NR2F6: variants seen among roughly 807,000 people sequenced by gnomAD.
NR2F6 encodes ERBA-related gene-2.
A neutral mutation model predicts 26.5 loss-of-function variants in NR2F6; 16 were observed. The observed-to-expected ratio is 0.60, with a 90% CI of 0.41 to 0.92. NR2F6 has a LOEUF of 0.92. Ranked by LOEUF, NR2F6 falls within the 40% of genes least tolerant of loss-of-function variation. The pLI is 0.00. For synonymous variants in NR2F6, 325 were observed against 305.0 expected (o/e 1.07, Z -0.68); for missense variants, 536 against 631.7 (o/e 0.85, Z 1.62).
intron 2 of NR2F6, among the ~76,000 whole-genome samples, chr19:17,238,094 C>T (rs1024684454): frequency 6.6e-6 from 1 of 152,078 alleles, no homozygotes; most frequent in Admixed American, 6.6e-5. Flanking sequence ...GAGCTATGAT[C>T]GCACCACTGC....
At chr19:17,240,560 C>T (rs1468559867) in intron 2 of NR2F6, 111 bp downstream of exon 2, 57 of 1,178,650 alleles carry the variant, frequency 4.8e-5, no homozygotes, top group Non-Finnish European at 6.8e-5. Flanking sequence ...ACCCAGACCC[C>T]TGTGAAAGGG....
At chr19:17,240,249 A>G (rs2145567357) in intron 2 of NR2F6, among the ~76,000 whole-genome samples, 1 of 152,358 alleles carries the variant, frequency 6.6e-6, no homozygotes, top group Non-Finnish European at 1.5e-5. Flanking sequence ...AATAAAAAAA[A>G]AAATCCTTGT....
chr19:17,243,008 C>T (rs1313215383), intron 1 of NR2F6, among the ~76,000 whole-genome samples: 2 of 152,206 alleles, frequency 1.3e-5, no homozygotes, highest in Non-Finnish European at 2.9e-5. Context: ...CCTCAGCCAG[C>T]ATTTCAGGCC....
At chr19:17,243,883 G>A (rs886996070) in intron 1 of NR2F6, among the ~76,000 whole-genome samples, 3 of 152,168 alleles carry the variant, frequency 2.0e-5, no homozygotes, top group African/African-American at 4.8e-5. Flanking sequence ...CAGGCACCAG[G>A]ACCTCTCTCT....
chr19:17,233,138 C>G (rs1405693334), intron 3 of NR2F6, among the ~76,000 whole-genome samples: 1 of 151,976 alleles, frequency 6.6e-6, no homozygotes, highest in Non-Finnish European at 1.5e-5. Context: ...CAGAGGGAGA[C>G]CCTGTCTCAA....
chr19:17,241,845 G>A (rs757615482), intron 1 of NR2F6, among the ~76,000 whole-genome samples: 43 of 151,802 alleles, frequency 2.8e-4, no homozygotes, highest in Non-Finnish European at 4.1e-4. Flanking sequence ...GTGAAACCCC[G>A]TCTCTACTAA....
Position 17,232,302 on chromosome 19 carries a change from C to T in NR2F6, c.*50G>A, listed in dbSNP as rs532380244. 4 of 1,612,370 alleles carry T rather than the reference C, an allele frequency of 2.5e-6. No homozygotes were observed. The South Asian group carries it at 3.3e-5, about 13-fold the overall frequency. ...CTCGAGGCCTCAGCATTCCCTGTCC[C>T]TTGAGGTCTGTCTGCAGGCCTGGCC... On this transcript the variant is annotated 3_prime_UTR_variant, in exon 4 of 4. Coordinates refer to ENST00000291442, the MANE Select transcript of NR2F6 (RefSeq NM_005234.4).
intron 2 of NR2F6, among the ~76,000 whole-genome samples, chr19:17,237,969 G>A (rs28551090): frequency 2.6e-5 from 4 of 151,936 alleles, no homozygotes; most frequent in African/African-American, 7.3e-5. Context: ...GCGAGACCCC[G>A]TCTCTACAAA....
chr19:17,232,170 T>C lies in NR2F6; in HGVS notation c.*182A>G, dbSNP rs2073410777. The C allele has an allele frequency of 1.1e-6, 1 of 885,410 alleles. No individual in the cohort carries two copies. Among genetic ancestry groups the C allele is most frequent in the Non-Finnish European group, 1.7e-6 (1 of 599,282 alleles). 54.8% of individuals were successfully genotyped at this position (885,410 alleles called of 1,614,324 possible). A position where few individuals can be genotyped will look rare whatever the true frequency, so the allele number is the denominator to read the frequency against. ...GGCTGAGGCCTGGATGATCAGTCTC[T>C]TTTTGGTTTCATGATCATTTAAAAA... On this transcript the variant is annotated 3_prime_UTR_variant, in exon 4 of 4. Transcript: ENST00000291442.
chr19:17,235,926 C>G lies in NR2F6; in HGVS notation c.513G>C (p.Ala171=). Residue 171 remains alanine, a synonymous_variant, in exon 3 of 4, where the codon GCG becomes GCC. Coordinates refer to ENST00000291442, the MANE Select transcript of NR2F6 (RefSeq NM_005234.4). This position sits in a 1 kb window ranked among gnomAD's most constrained non-coding sequence, Gnocchi z 5.0. ...FPGQPVSELI[A]QLLRAEPYPA... is the part of the protein sequence containing the mutation. ...GGTAGGGCTCAGCGCGCAGCAGCTG[C>G]GCGATCAGTTCGGACACCGGCTGCC... 6.8e-7 allele frequency: 1 copy of G among 1,480,374 alleles called. No homozygotes were observed. Among genetic ancestry groups the G allele is most frequent in the Non-Finnish European group, 8.9e-7 (1 of 1,122,424 alleles). 91.7% of individuals were successfully genotyped at this position (1,480,374 alleles called of 1,614,324 possible).
intron 3 of NR2F6, among the ~76,000 whole-genome samples, chr19:17,234,195 C>T (rs1403289132): frequency 6.6e-6 from 1 of 151,006 alleles, no homozygotes; most frequent in Non-Finnish European, 1.5e-5. Flanking sequence ...TGCACTCCAG[C>T]CTGGGCGACG....
chr19:17,239,001 G>A (rs993245505), intron 2 of NR2F6, among the ~76,000 whole-genome samples: 2 of 152,068 alleles, frequency 1.3e-5, no homozygotes, highest in African/African-American at 4.8e-5. Context: ...AGGAGTTGGA[G>A]ACTCCAGCCT....
intron 2 of NR2F6, among the ~76,000 whole-genome samples, chr19:17,237,691 T>C (rs1232580989): frequency 1.3e-5 from 2 of 152,194 alleles, no homozygotes; most frequent in East Asian, 3.9e-4. Flanking sequence ...ATTACAGGCG[T>C]GAGCCCCCAC....
At chr19:17,238,950 G>A (rs561247508) in intron 2 of NR2F6, among the ~76,000 whole-genome samples, 1 of 152,146 alleles carries the variant, frequency 6.6e-6, no homozygotes, top group East Asian at 1.9e-4. Flanking sequence ...CCTATAATCC[G>A]AGCACTTTGG....
intron 3 of NR2F6, among the ~76,000 whole-genome samples, 173 bp from the exon 4 acceptor site, chr19:17,232,799 G>A (rs1007592673): frequency 5.3e-5 from 8 of 152,140 alleles, no homozygotes; most frequent in African/African-American, 1.7e-4. Context: ...CATCATTTAA[G>A]GCCAGGATTT....
At chr19:17,232,743 T>C (rs2073415133) in intron 3 of NR2F6, 117 bp from the exon 4 acceptor site, 1 of 1,266,996 alleles carries the variant, frequency 7.9e-7, no homozygotes, top group African/African-American at 1.5e-5. Flanking sequence ...CCGGGCATGA[T>C]GGCTCACGGC....
chr19:17,235,219 T>A lies in NR2F6; in HGVS notation c.940+280A>T, dbSNP rs2073429046. Among the ~76,000 whole-genome samples, 1 of 152,218 alleles carries A rather than the reference T, an allele frequency of 6.6e-6. No individual in the cohort carries two copies. The highest frequency in any genetic ancestry group is 2.4e-5 in the African/African-American group (1 of 41,468). On this transcript the variant is annotated intron_variant, in intron 3 of 3. Transcript: ENST00000291442. The surrounding 1 kb of genome is among the most constrained non-coding windows in gnomAD (Gnocchi z 5.0). ...GAGCCTGGGAACAGGAAGAGGGTTC[T>A]GGGGTCTGGGCCCTGGTCCTGGCCC...
Position 17,235,836 on chromosome 19 carries a change from G to A in NR2F6, c.603C>T (p.Asn201=). Residue 201 remains asparagine, a synonymous_variant, in exon 3 of 4, where the codon AAC becomes AAT. Coordinates refer to ENST00000291442, the MANE Select transcript of NR2F6 (RefSeq NM_005234.4). This position sits in a 1 kb window ranked among gnomAD's most constrained non-coding sequence, Gnocchi z 5.0. ...GAAGAVLGID[N]VCELAARLLF... ...GCAGCCGCGCCGCCAGCTCGCACAC[G>A]TTGTCGATGCCCAGCACCGCGCCCG... 2.0e-6 allele frequency: 3 copies of A among 1,480,048 alleles called. No individual in the cohort carries two copies. Among genetic ancestry groups the A allele is most frequent in the Non-Finnish European group, 2.7e-6 (3 of 1,123,804 alleles). The allele number at this position is 1,480,048 out of a possible 1,614,324, so 91.7% of individuals were successfully genotyped here. A position where few individuals can be genotyped will look rare whatever the true frequency, so the allele number is the denominator to read the frequency against.
In NR2F6 at chr19:17,240,671, C is replaced by T; in HGVS notation, c.373G>A (p.Ala125Thr). The change falls in exon 2 of 4, where the codon GCG becomes ACG. Residue 125 changes from alanine to threonine, a missense_variant and splice_region_variant. Coordinates refer to ENST00000291442, the MANE Select transcript of NR2F6 (RefSeq NM_005234.4). ...KCFRVGMRKE[A>T]VQRGRIPHSL... ...CAGTGTGTCCCCAGCACGTACTCAC[C>T]CTCCTTCCTCATGCCCACCCGGAAG... 6.2e-7 allele frequency: 1 copy of T among 1,614,182 alleles called. No individual in the cohort carries two copies. The highest frequency in any genetic ancestry group is 8.5e-7 in the Non-Finnish European group (1 of 1,180,016).
Sources: gnomAD v4.1 joint callset for allele counts (sites outside exome capture counted in the v4.1 genomes callset) on GRCh38, gnomAD v4.1.1 for gene constraint, Gnocchi (gnomAD v3.1) non-coding constraint, MANE v1.5 for transcripts, NCBI Gene and HGNC (gene_info 2026-07-23, HGNC 2026-07-21) for gene names.